Variants in ZNF609 observed in about 807,000 individuals in gnomAD.
ZNF609 encodes zinc finger protein 609.
Under a neutral mutation model 109.5 loss-of-function variants are expected in ZNF609, and 11 were observed. The observed-to-expected ratio is 0.10, with a 90% CI of 0.06 to 0.17. The LOEUF (loss-of-function observed/expected upper bound fraction) is 0.17, where lower values mean the gene tolerates loss of function less well. ZNF609 is among the 10% of genes least tolerant of loss of function. The pLI is 1.00. For synonymous variants in ZNF609, 646 were observed against 662.0 expected (o/e 0.98, Z 0.37); for missense variants, 1,559 against 1,772.4 (o/e 0.88, Z 2.16).
intron 1 of ZNF609, among the ~76,000 whole-genome samples, chr15:64,484,675 C>CA (rs35508980): frequency 0.78 from 54,587 of 69,912 alleles, 21,928 homozygotes; most frequent in Non-Finnish European, 0.83. Flanking sequence ...GACTCTGTCT[C>CA]AAAAAAAAAA....
At chr15:64,503,674 T>C (rs1893593415) in intron 2 of ZNF609, among the ~76,000 whole-genome samples, 1 of 152,194 alleles carries the variant, frequency 6.6e-6, no homozygotes, top group South Asian at 2.1e-4. Flanking sequence ...TCTAGAAGTT[T>C]CTAACCAGAA....
chr15:64,545,334 A>G (rs1434379649), intron 2 of ZNF609, among the ~76,000 whole-genome samples: 1 of 151,934 alleles, frequency 6.6e-6, no homozygotes, highest in South Asian at 2.1e-4. Context: ...GAGTAGCTGG[A>G]ACTATAGGCT....
In ZNF609 at chr15:64,674,530, T is replaced by C. The variant is rs1567044864; in HGVS notation, c.1676T>C (p.Leu559Ser). 6.2e-7 allele frequency: 1 copy of C among 1,614,114 alleles called. No individual in the cohort carries two copies. Among genetic ancestry groups the C allele is most frequent in the Admixed American group, 1.7e-5 (1 of 60,022 alleles). ...NGASVSQKGS[L>S]SPARSATPKV... Reference sequence around the variant, plus strand: ...GCATCTGTCTCACAAAAAGGTTCCTTGTCCCCTGCCCGCTCAGCTACCCCC... The same window carrying C: ...GCATCTGTCTCACAAAAAGGTTCCTCGTCCCCTGCCCGCTCAGCTACCCCC... Residue 559 changes from leucine to serine, a missense_variant, in exon 5 of 10, where the codon TTG (leucine) becomes TCG (serine). Around this residue, in one of 4 missense-constraint regions of ZNF609, gnomAD observed 1,204 missense variants for 1,314.1 expected, o/e 0.92. Coordinates refer to ENST00000326648, the MANE Select transcript of ZNF609 (RefSeq NM_015042.2).
chr15:64,670,867 G>A lies in ZNF609; in HGVS notation c.1061+434G>A, dbSNP rs1389229095. On this transcript the variant is annotated intron_variant, in intron 4 of 9. Transcript: ENST00000326648. ...CACTCCAGCCTGGGCAACAAAAAGC[G>A]AAACTCCATCTCAAAAAAAAAAAAA... Among the ~76,000 whole-genome samples the A allele has an allele frequency of 4.3e-5, 5 of 116,238 alleles. No individual in the cohort carries two copies. In the East Asian group the frequency reaches 7.4e-4, roughly 17 times the overall value. 76.3% of individuals were successfully genotyped at this position (116,238 alleles called of 152,430 possible).
rs556778393 is a variant in ZNF609 at position 64,568,422 on chromosome 15, G to A, written c.748-54405G>A. ...GGTTTTATATTTGGGAACCTCTAGA[G>A]CAGTGGTTCTCAACTTGGGCTGGAC... On this transcript the variant is annotated intron_variant, in intron 2 of 9. Coordinates refer to ENST00000326648, the MANE Select transcript of ZNF609 (RefSeq NM_015042.2). Among the ~76,000 whole-genome samples, 12 of 152,270 alleles carry A rather than the reference G, an allele frequency of 7.9e-5. No homozygotes were observed. The East Asian group carries it at 2.1e-3, about 27-fold the overall frequency.
At chr15:64,646,695 T>A (rs1325426575) in intron 3 of ZNF609, among the ~76,000 whole-genome samples, 1 of 149,004 alleles carries the variant, frequency 6.7e-6, no homozygotes, top group Admixed American at 6.7e-5. Context: ...TCCTAGCACT[T>A]TGGGAGGCCA....
chr15:64,505,929 C>T (rs945190442), intron 2 of ZNF609, among the ~76,000 whole-genome samples: 13 of 151,948 alleles, frequency 8.6e-5, no homozygotes, highest in African/African-American at 2.9e-4. Context: ...GAGCTGTGAT[C>T]GCACTAGTGC....
intron 3 of ZNF609, among the ~76,000 whole-genome samples, chr15:64,649,476 CTG>C (rs1896383519): frequency 6.6e-6 from 1 of 152,108 alleles, no homozygotes; most frequent in African/African-American, 2.4e-5. Context: ...CAGAAAGTAA[CTG>C]AGATTCTTAT....
intron 2 of ZNF609, among the ~76,000 whole-genome samples, chr15:64,506,412 C>T (rs1595701853): frequency 6.7e-6 from 1 of 148,778 alleles, no homozygotes; most frequent in Non-Finnish European, 1.5e-5. Context: ...CATGAGCCGT[C>T]ACACCCAGCC....
chr15:64,681,394 C>A lies in ZNF609; in HGVS notation c.*5+7C>A. ...CCCCCAGGAGGTGAGAATGGTAAGT[C>A]ACTTTTATTAATTTGGGGCAACACA... On this transcript the variant is annotated splice_region_variant and intron_variant, in intron 9 of 9. Coordinates refer to ENST00000326648, the MANE Select transcript of ZNF609 (RefSeq NM_015042.2). The A allele has an allele frequency of 6.2e-7, 1 of 1,612,308 alleles. No individual in the cohort carries two copies.
At chr15:64,488,915 AAAGAAAG>A (rs531105442) in intron 1 of ZNF609, among the ~76,000 whole-genome samples, 9 of 2,840 alleles carry the variant, frequency 3.2e-3, no homozygotes, top group African/African-American at 4.1e-3. Context: ...TCTACAAAAA[AAAGAAAG>A]AAAGAAAGAA....
chr15:64,567,308 C>A (rs140769740), intron 2 of ZNF609, among the ~76,000 whole-genome samples: 35 of 151,870 alleles, frequency 2.3e-4, no homozygotes, highest in African/African-American at 8.4e-4. Flanking sequence ...CATGGTGAAA[C>A]CCATCTCTAC....
At chr15:64,516,413 C>T (rs970134702) in intron 2 of ZNF609, among the ~76,000 whole-genome samples, 2 of 151,964 alleles carry the variant, frequency 1.3e-5, no homozygotes, top group Admixed American at 6.6e-5. Flanking sequence ...GCTCTGTTGC[C>T]CAGGCTGGAG....
intron 2 of ZNF609, among the ~76,000 whole-genome samples, chr15:64,587,331 G>GAAA (rs999689646): frequency 1.3e-5 from 2 of 152,134 alleles, no homozygotes; most frequent in Admixed American, 6.6e-5. Flanking sequence ...TTGTTTAGAT[G>GAAA]AAACTGTATC....
chr15:64,609,064 T>TTTTCTTTCTTTCTTTC lies in ZNF609; in HGVS notation c.748-13711_748-13696dup, dbSNP rs3057833. On this transcript the variant is annotated intron_variant, in intron 2 of 9. Coordinates refer to ENST00000326648, the MANE Select transcript of ZNF609 (RefSeq NM_015042.2). Reference sequence around the variant, plus strand: ...GTTACTTGCATGTTTTAGTTTTAATTTTTCTTTCTTTCTTTCTTTCTTTCT... The same window carrying TTTTCTTTCTTTCTTTC: ...GTTACTTGCATGTTTTAGTTTTAATTTTTCTTTCTTTCTTTCTTTCTTTCTTTCTTTCTTTCTTTCT... Among the ~76,000 whole-genome samples, 245 of 119,126 alleles carry TTTTCTTTCTTTCTTTC rather than the reference T, an allele frequency of 2.1e-3. 7 individuals carry two copies. In the South Asian group the frequency reaches 0.023, roughly 11 times the overall value. The allele number at this position is 119,126 out of a possible 152,430, so 78.2% of individuals were successfully genotyped here.
chr15:64,501,818 A>G (rs1893566410), intron 2 of ZNF609: 1 of 152,208 alleles, frequency 6.6e-6, no homozygotes, highest in Non-Finnish European at 1.5e-5. Context: ...TAGTCTGTGG[A>G]TGAAAGGATT....
intron 2 of ZNF609, among the ~76,000 whole-genome samples, chr15:64,513,735 C>T (rs181262060): frequency 1.3e-5 from 2 of 152,246 alleles, no homozygotes; most frequent in East Asian, 3.9e-4. Context: ...ATACTAGAAT[C>T]ACCCTAAGCC....
intron 5 of ZNF609, among the ~76,000 whole-genome samples, chr15:64,677,539 GTC>G (rs1428238651): frequency 2.6e-5 from 4 of 152,012 alleles, no homozygotes. Flanking sequence ...GTTATTGATG[GTC>G]TCTCTATTTT....
intron 1 of ZNF609, among the ~76,000 whole-genome samples, chr15:64,471,641 T>C (rs1671792298): frequency 6.6e-6 from 1 of 152,198 alleles, no homozygotes; most frequent in Admixed American, 6.5e-5. Context: ...TGGAGTGCAG[T>C]GGCACAGTCT....
Sources: gnomAD v4.1 joint callset for allele counts (sites outside exome capture counted in the v4.1 genomes callset) on GRCh38, gnomAD v4.1.1 for gene constraint, gnomAD v4.1.1 regional missense constraint, MANE v1.5 for transcripts, NCBI Gene and HGNC (gene_info 2026-07-23, HGNC 2026-07-21) for gene names.